Variants in ARHGEF7 observed in about 807,000 individuals in gnomAD.
ARHGEF7 encodes the protein Rho guanine nucleotide exchange factor 7.
A neutral mutation model predicts 109.8 loss-of-function variants in ARHGEF7; 33 were observed. The ratio of observed to expected loss-of-function variants is 0.30; its 90% CI spans 0.23 to 0.40. The LOEUF is 0.40. Among genes scored for constraint, ARHGEF7 ranks in the 10% least tolerant of loss-of-function variants. The pLI is 1.00. For synonymous variants in ARHGEF7, 458 were observed against 424.6 expected (o/e 1.08, Z -0.97); for missense variants, 938 against 1,098.5 (o/e 0.85, Z 2.07).
At chr13:111,229,922 A>C (rs1366464665) in intron 5 of ARHGEF7, among the ~76,000 whole-genome samples, 1 of 152,074 alleles carries the variant, frequency 6.6e-6, no homozygotes, top group Non-Finnish European at 1.5e-5. Flanking sequence ...AGACCAGTGC[A>C]TAGAAGCTTC....
At chr13:111,150,061 G>T (rs1184924227) in intron 1 of ARHGEF7, among the ~76,000 whole-genome samples, 1 of 152,172 alleles carries the variant, frequency 6.6e-6, no homozygotes, top group Admixed American at 6.5e-5. Flanking sequence ...ATTGTGATCT[G>T]GCAGAGCTAC....
Position 111,226,432 on chromosome 13 carries a change from A to G in ARHGEF7, c.671-6773A>G, listed in dbSNP as rs2085220311. On this transcript the variant is annotated intron_variant, in intron 5 of 21. Coordinates refer to ENST00000646102, the MANE Select transcript of ARHGEF7 (RefSeq NM_001354046.2). ...GTAGCTGGTGACTGAGTTGAAGCCA[A>G]TTCTCATTTACCATTCTGAAAATCC... 2.0e-5 allele frequency among the ~76,000 whole-genome samples: 3 copies of G among 152,220 alleles called. No individual in the cohort carries two copies. The South Asian group carries it at 6.2e-4, about 32-fold the overall frequency.
intron 19 of ARHGEF7, 143 bp downstream of exon 19, chr13:111,292,437 T>G (rs2093318347): frequency 6.1e-6 from 9 of 1,464,366 alleles, no homozygotes; most frequent in Non-Finnish European, 8.1e-6. Context: ...TTTTAACAAC[T>G]TTTGAGAGTG....
intron 8 of ARHGEF7, among the ~76,000 whole-genome samples, chr13:111,262,414 A>ATG (rs760508570): frequency 5.4e-4 from 80 of 146,900 alleles, no homozygotes; most frequent in South Asian, 2.6e-3. Context: ...GTGTGTGTGC[A>ATG]TGTGTGTGTG....
chr13:111,137,488 A>G (rs1156619758), intron 1 of ARHGEF7, among the ~76,000 whole-genome samples: 1 of 152,156 alleles, frequency 6.6e-6, no homozygotes, highest in Non-Finnish European at 1.5e-5. Flanking sequence ...CCCCATCCTC[A>G]TGCTTAACAA....
rs138478014 is a variant in ARHGEF7, at chr13:111,231,674, T to A, written c.671-1531T>A. The stretch of plus-strand genomic sequence containing the variant: ...GTGTTTGGGGTTGAAGGCACTGTTT[T>A]GGGATATACTACCTCAGACCCCAGG... On this transcript the variant is annotated intron_variant, in intron 5 of 21. Coordinates refer to ENST00000646102, the MANE Select transcript of ARHGEF7 (RefSeq NM_001354046.2). 9.0e-4 allele frequency among the ~76,000 whole-genome samples: 137 copies of A among 152,214 alleles called. 2 individuals carry two copies. The East Asian group carries it at 0.022, about 24-fold the overall frequency.
At chr13:111,166,304 G>A (rs917378554) in intron 2 of ARHGEF7, among the ~76,000 whole-genome samples, 3 of 152,212 alleles carry the variant, frequency 2.0e-5, no homozygotes, top group Non-Finnish European at 2.9e-5. Context: ...CCAGGGAGTC[G>A]TGGGGAGCGA....
At chr13:111,294,496 A>G (rs1361801915) in intron 19 of ARHGEF7, 3 of 985,454 alleles carry the variant, frequency 3.0e-6, no homozygotes, top group Non-Finnish European at 3.6e-6. Flanking sequence ...CCATCATTCC[A>G]TTTTGTACCA....
chr13:111,125,054 C>T (rs2067467120), intron 1 of ARHGEF7, among the ~76,000 whole-genome samples: 1 of 152,160 alleles, frequency 6.6e-6, no homozygotes, highest in Admixed American at 6.6e-5. Flanking sequence ...GCCAGTGCGC[C>T]CAACCAGGTG....
intron 18 of ARHGEF7, among the ~76,000 whole-genome samples, chr13:111,290,390 AC>A (rs1472161645): frequency 6.6e-6 from 1 of 152,266 alleles, no homozygotes; most frequent in Admixed American, 6.5e-5. Context: ...TGTATTAGGT[AC>A]TATAATTTAG....
chr13:111,210,067 C>G (rs1050645899), intron 4 of ARHGEF7, 65 bp downstream of exon 4: 3 of 1,595,896 alleles, frequency 1.9e-6, no homozygotes, highest in Non-Finnish European at 2.6e-6. Context: ...ATGGATATAT[C>G]TGAGAAGATA....
chr13:111,143,131 G>A (rs1252303024), intron 1 of ARHGEF7, among the ~76,000 whole-genome samples: 1 of 152,224 alleles, frequency 6.6e-6, no homozygotes, highest in African/African-American at 2.4e-5. Context: ...GAACAGCGGA[G>A]TAGCACTCGG....
At chr13:111,257,183 A>T (rs79505557) in intron 8 of ARHGEF7, among the ~76,000 whole-genome samples, 3,355 of 152,296 alleles carry the variant, frequency 0.022, 124 homozygotes, top group African/African-American at 0.077. Context: ...TTTGTTTGGA[A>T]TCACTTCTGC....
At chr13:111,262,026 T>C (rs1312399997) in intron 8 of ARHGEF7, among the ~76,000 whole-genome samples, 1 of 151,992 alleles carries the variant, frequency 6.6e-6, no homozygotes, top group Non-Finnish European at 1.5e-5. Context: ...AAACTTCAAA[T>C]AAACAACCTT....
intron 8 of ARHGEF7, among the ~76,000 whole-genome samples, chr13:111,246,083 CTG>C (rs1245924988): frequency 6.6e-6 from 1 of 152,062 alleles, no homozygotes; most frequent in African/African-American, 2.4e-5. Flanking sequence ...CAGTTTTTTT[CTG>C]TGTGACTATT....
At chr13:111,201,180 C>T (rs2153460392) in intron 2 of ARHGEF7, among the ~76,000 whole-genome samples, 1 of 152,300 alleles carries the variant, frequency 6.6e-6, no homozygotes, top group Admixed American at 6.5e-5. Context: ...CTCCGACCTA[C>T]GATTGCAGAA....
chr13:111,289,831 C>T (rs56015125), intron 18 of ARHGEF7, among the ~76,000 whole-genome samples: 16,274 of 151,928 alleles, frequency 0.11, 1,189 homozygotes, highest in Middle Eastern at 0.19. Context: ...TTACTGGTGT[C>T]GTACCATATC....
chr13:111,296,825 C>T (rs1334501559), intron 19 of ARHGEF7, among the ~76,000 whole-genome samples: 1 of 152,194 alleles, frequency 6.6e-6, no homozygotes, highest in Non-Finnish European at 1.5e-5. Flanking sequence ...GTGTAGCCCA[C>T]AAGATTTCCC....
Position 111,300,822 on chromosome 13 carries a change from A to G in ARHGEF7, c.2386A>G (p.Asn796Asp). 1 of 1,608,424 alleles carries G rather than the reference A, an allele frequency of 6.2e-7. No individual in the cohort carries two copies. Among genetic ancestry groups the G allele is most frequent in the Non-Finnish European group, 8.5e-7 (1 of 1,176,162 alleles). The change falls in exon 20 of 22, where the codon AAT (asparagine) becomes GAT (aspartate). Residue 796 changes from asparagine to aspartate, a missense_variant. Asn to Asp is a conservative substitution (Grantham distance 23). This residue lies in a region of ARHGEF7 where 166 missense variants were observed against 167.3 expected (regional missense o/e 0.99). Coordinates refer to ENST00000646102, the MANE Select transcript of ARHGEF7 (RefSeq NM_001354046.2). The stretch of plus-strand genomic sequence containing the variant: ...AATTATAGTGGAAGAAACTAAAAGT[A>G]ATGGTCAGACAGTGATAGAAGAAAA... ...EKIIVEETKS[N>D]GQTVIEEKSL...
Sources: gnomAD v4.1 joint callset for allele counts (sites outside exome capture counted in the v4.1 genomes callset) on GRCh38, gnomAD v4.1.1 for gene constraint, gnomAD v4.1.1 regional missense constraint, MANE v1.5 for transcripts, NCBI Gene and HGNC (gene_info 2026-07-23, HGNC 2026-07-21) for gene names.